The following USP24 variants were observed in gnomAD, a reference collection of about 807,000 sequenced individuals.
USP24 encodes ubiquitin carboxyl-terminal hydrolase 24.
In USP24, 97 loss-of-function variants were observed where a neutral mutation model predicts 361.6. The ratio of observed to expected loss-of-function variants is 0.27; its 90% confidence interval spans 0.23 to 0.32. USP24 has a LOEUF of 0.32. Among genes scored for constraint, USP24 ranks in the 10% least tolerant of loss-of-function variants. USP24 has a pLI of 1.00. For synonymous variants in USP24, 1,098 were observed against 1,124.6 expected, an observed-to-expected ratio of 0.98 and a Z score of 0.47; for missense variants, 2,353 against 3,165.6, an observed-to-expected ratio of 0.74 and a Z score of 6.16.
chr1:55,120,563 T>C, intron 38 of USP24, 33 bp downstream of exon 38: 1 of 1,524,708 alleles, frequency 6.6e-7, no homozygotes, highest in Non-Finnish European at 8.8e-7. Flanking sequence ...CCTCTCTCTG[T>C]ATAAGGTTAG....
intron 24 of USP24, among the ~76,000 whole-genome samples, chr1:55,139,709 T>C (rs1033529887): frequency 2.0e-5 from 3 of 152,182 alleles, no homozygotes; most frequent in African/African-American, 7.2e-5. Context: ...TTTCTAAAAC[T>C]GAAAAGAGGT....
Position 55,214,907 on chromosome 1 carries a change from G to T in USP24, c.207C>A (p.Gly69=). Residue 69 remains glycine (G), a synonymous_variant, in exon 1 of 68, where the codon GGC becomes GGA. Coordinates refer to ENST00000294383, the MANE Select transcript of USP24 (RefSeq NM_015306.3). ...CGTCACCTCCGCCGTCGCCCCGCGG[G>T]CCCCCGCCGGGCCCGGGGCTGGGGC... ...GGGPSPGPGG[G]PRGDGGGDGG... The T allele has an allele frequency of 7.8e-7, 1 of 1,284,498 alleles. No individual in the cohort carries two copies. The highest frequency in any genetic ancestry group is 9.9e-7 in the Non-Finnish European group (1 of 1,008,248). The allele number at this position is 1,284,498 out of a possible 1,614,324, so 79.6% of individuals were successfully genotyped here. A position where few individuals can be genotyped will look rare whatever the true frequency, so the allele number is the denominator to read the frequency against.
chr1:55,087,245 G>C (rs980325922), intron 55 of USP24, among the ~76,000 whole-genome samples: 1 of 152,214 alleles, frequency 6.6e-6, no homozygotes, highest in African/African-American at 2.4e-5. Context: ...ATAGTGATGA[G>C]TGATTGGTCT....
In USP24 at chr1:55,101,763, C is replaced by A. The variant is rs932110680; in HGVS notation, c.5026-60G>T. On this transcript the variant is annotated intron_variant, in intron 42 of 67. Coordinates refer to ENST00000294383, the MANE Select transcript of USP24 (RefSeq NM_015306.3). Reference sequence around the variant, plus strand: ...AGAATGAGCATTTCTGCCACAGACACATTTACACTATAGCTATGCGGGAGA... The same window carrying A: ...AGAATGAGCATTTCTGCCACAGACAAATTTACACTATAGCTATGCGGGAGA... 10 of 1,503,364 alleles carry A rather than the reference C, an allele frequency of 6.7e-6. No homozygotes were observed. In the East Asian group the frequency reaches 9.6e-5, roughly 14 times the overall value. 93.1% of individuals were successfully genotyped at this position (1,503,364 alleles called of 1,614,324 possible).
chr1:55,159,740 G>C (rs1348203337), intron 8 of USP24, 55 bp from the exon 9 acceptor site: 16 of 1,432,894 alleles, frequency 1.1e-5, no homozygotes, highest in East Asian at 7.4e-5. Context: ...CAAAAGTAGA[G>C]AGAGAATACT....
Position 55,103,896 on chromosome 1 carries a change from C to G in USP24, c.5005G>C (p.Ala1669Pro), listed in dbSNP as rs775568785. 1 of 1,612,670 alleles carries G rather than the reference C, an allele frequency of 6.2e-7. No individual in the cohort carries two copies. The highest frequency in any genetic ancestry group is 1.1e-5 in the South Asian group (1 of 90,774). The change falls in exon 42 of 68, where the codon GCT (alanine) becomes CCT (proline). Residue 1669 changes from alanine (A) to proline (P), a missense_variant. Ala to Pro is a conservative substitution (Grantham distance 27). Around this residue, in one of 8 missense-constraint regions of USP24, gnomAD observed 949 missense variants for 1,280.5 expected, o/e 0.74. Coordinates refer to ENST00000294383, the MANE Select transcript of USP24 (RefSeq NM_015306.3). The stretch of plus-strand genomic sequence containing the variant: ...CCTACATCAAACTCCTTGGTAAGAG[C>G]AGGGTCAGGCTGGTGATGCATAGAA... ...LLSMHHQPDP[A>P]LTKEFDYLPP...
chr1:55,143,047 T>G lies in USP24; in HGVS notation c.2512A>C (p.Ile838Leu). The change falls in exon 22 of 68, where the codon ATT becomes CTT. Residue 838 changes from isoleucine to leucine, a missense_variant. Around this residue, in one of 8 missense-constraint regions of USP24, gnomAD observed 949 missense variants for 1,280.5 expected, o/e 0.74. Coordinates refer to ENST00000294383, the MANE Select transcript of USP24 (RefSeq NM_015306.3). ...ATTAGCTGAATAGCTTCATTAGCAA[T>G]TTCTTCATCAGGTGATTCCATGGCT... ...KIAMESPDEE[I>L]ANEAIQLIIN... The G allele has an allele frequency of 1.3e-6, 2 of 1,534,498 alleles. No individual in the cohort carries two copies. Among genetic ancestry groups the G allele is most frequent in the Non-Finnish European group, 1.8e-6 (2 of 1,142,288 alleles).
chr1:55,139,051 T>C, intron 24 of USP24, 41 bp from the exon 25 acceptor site: 2 of 1,517,730 alleles, frequency 1.3e-6, no homozygotes, highest in East Asian at 4.9e-5. Flanking sequence ...GTATTTGAAG[T>C]GTGATGATCT....
At chr1:55,121,849 T>TG (rs534455140) in intron 36 of USP24, among the ~76,000 whole-genome samples, 41 of 152,324 alleles carry the variant, frequency 2.7e-4, no homozygotes, top group African/African-American at 9.1e-4. Context: ...GATAAAAGCT[T>TG]GGAGGGAAGT....
rs759759919 is a variant in USP24, at chr1:55,079,601, C to T, written c.7137G>A (p.Leu2379=). The T allele has an allele frequency of 1.7e-5, 27 of 1,558,144 alleles. No individual in the cohort carries two copies. The Admixed American group carries it at 5.8e-4, about 33-fold the overall frequency. Residue 2379 remains leucine, a synonymous_variant, in exon 60 of 68, where the codon TTG becomes TTA. Transcript: ENST00000294383. ...PISIAPSSPL[L]PLHEEVEALL... ...AGGCTTCTACCTCCTCATGGAGGGG[C>T]AACAGAGGGCTTGAGGGAGCAATGC...
chr1:55,121,852 AG>A (rs34078983), intron 36 of USP24, among the ~76,000 whole-genome samples: 1 of 152,238 alleles, frequency 6.6e-6, no homozygotes, highest in African/African-American at 2.4e-5. Flanking sequence ...AAAAGCTTGG[AG>A]GGAAGTTATC....
intron 39 of USP24, 139 bp from the exon 40 acceptor site, chr1:55,107,569 C>T (rs1248718970): frequency 4.8e-5 from 50 of 1,039,146 alleles, no homozygotes; most frequent in Non-Finnish European, 6.0e-5. Context: ...TAAGGCCAGG[C>T]GAGCTGGCTC....
At chr1:55,079,799 C>CTCTCACAGAGTACTCACACAGAGTAA in intron 59 of USP24, 140 bp from the exon 60 acceptor site, 2 of 1,153,874 alleles carry the variant, frequency 1.7e-6, no homozygotes, top group Non-Finnish European at 2.3e-6. Context: ...ACACTGAGTA[C>CTCTCACAGAGTACTCACACAGAGTAA]TCACACACTG....
rs1222329083 is a variant in USP24 at position 55,078,052 on chromosome 1, A to C, written c.7314+486T>G. Among the ~76,000 whole-genome samples the C allele has an allele frequency of 2.6e-5, 4 of 152,224 alleles. No individual in the cohort carries two copies. The East Asian group carries it at 5.8e-4, about 22-fold the overall frequency. On this transcript the variant is annotated intron_variant, in intron 61 of 67. Coordinates refer to ENST00000294383, the MANE Select transcript of USP24 (RefSeq NM_015306.3). ...TAAGAGCCTAAAGACATAATCCACT[A>C]ATCACCTGCTTCTTGTTAACACTAC...
At chr1:55,159,856 C>T (rs1648088211) in intron 8 of USP24, among the ~76,000 whole-genome samples, 171 bp from the exon 9 acceptor site, 1 of 152,222 alleles carries the variant, frequency 6.6e-6, no homozygotes, top group Admixed American at 6.6e-5. Context: ...CCTTAACTGA[C>T]TCTGCTTAAT....
At position 55,214,992 on chromosome 1, in the gene USP24, A is replaced by G; in HGVS notation, c.122T>C (p.Leu41Pro). ...KNDINEAVAL[L>P]TNERPGLDYG... is the part of the protein sequence containing the mutation. Reference sequence around the variant, plus strand: ...GTCGAGGCCCGGCCGCTCGTTGGTGAGCAGTGCCACGGCCTCGTTAATGTC... The same window carrying G: ...GTCGAGGCCCGGCCGCTCGTTGGTGGGCAGTGCCACGGCCTCGTTAATGTC... The change falls in exon 1 of 68, where the codon CTC becomes CCC. Residue 41 changes from leucine (L) to proline (P), a missense_variant. Coordinates refer to ENST00000294383, the MANE Select transcript of USP24 (RefSeq NM_015306.3). 2.1e-6 allele frequency: 3 copies of G among 1,456,684 alleles called. No individual in the cohort carries two copies. The highest frequency in any genetic ancestry group is 9.1e-7 in the Non-Finnish European group (1 of 1,102,364). 90.2% of individuals were successfully genotyped at this position (1,456,684 alleles called of 1,614,324 possible).
Position 55,134,334 on chromosome 1 carries a change from T to C in USP24, c.3281A>G (p.Glu1094Gly). 2 of 1,612,104 alleles carry C rather than the reference T, an allele frequency of 1.2e-6. No homozygotes were observed. The highest frequency in any genetic ancestry group is 1.7e-6 in the Non-Finnish European group (2 of 1,178,766). Residue 1094 changes from glutamate (E) to glycine (G), a missense_variant, in exon 29 of 68, where the codon GAG (glutamate) becomes GGG (glycine). Transcript: ENST00000294383. ...DMLYQLANLE[E>G]PRITLRVRKL... is the part of the protein sequence containing the mutation. ...CACAAATATTTATATTTACCTTGGC[T>C]CTTCCAGATTGGCGAGCTGATAAAG... is the stretch of plus-strand genomic sequence containing the variant.
At chr1:55,175,243 T>G (rs868223982) in intron 3 of USP24, among the ~76,000 whole-genome samples, 2 of 81,892 alleles carry the variant, frequency 2.4e-5, no homozygotes, top group Non-Finnish European at 5.2e-5. Flanking sequence ...TTTTTTTTTT[T>G]TGAGACGGAG....
At chr1:55,077,160 A>C in intron 62 of USP24, 75 bp downstream of exon 62, 1 of 1,270,624 alleles carries the variant, frequency 7.9e-7, no homozygotes, top group Non-Finnish European at 1.0e-6. Flanking sequence ...AAAAAGACAT[A>C]TAATTTTTTA....
Sources: gnomAD v4.1 joint callset for allele counts (sites outside exome capture counted in the v4.1 genomes callset) on GRCh38, gnomAD v4.1.1 for gene constraint, gnomAD v4.1.1 regional missense constraint, MANE v1.5 for transcripts, NCBI Gene and HGNC (gene_info 2026-07-23, HGNC 2026-07-21) for gene names.